GRIK1: variants seen among roughly 807,000 people sequenced by gnomAD.
GRIK1 encodes glutamate ionotropic receptor kainate type subunit 1, also known as glutamate receptor ionotropic, kainate 1.
GRIK1 carries 69 observed loss-of-function variants against 105.7 expected under a neutral mutation model. That is an observed-to-expected ratio of 0.65 (90% CI 0.54 to 0.80). The LOEUF (loss-of-function observed/expected upper bound fraction) is 0.80. Ranked by LOEUF, GRIK1 falls within the 30% of genes least tolerant of loss-of-function variation. The probability of loss-of-function intolerance (pLI) is 0.00; values close to 1 mark genes in which losing one functional copy is unlikely to be tolerated. For synonymous variants in GRIK1, 438 were observed against 431.3 expected, an observed-to-expected ratio of 1.02 and a Z score of -0.19; for missense variants, 1,109 against 1,167.3, an observed-to-expected ratio of 0.95 and a Z score of 0.73.
chr21:29,538,324 CA>C (rs1199463063), intron 16 of GRIK1, among the ~76,000 whole-genome samples: 3 of 152,072 alleles, frequency 2.0e-5, no homozygotes, highest in Non-Finnish European at 4.4e-5. Flanking sequence ...CACAGGAGGA[CA>C]AAGGCAGCAT....
intron 1 of GRIK1, among the ~76,000 whole-genome samples, chr21:29,742,007 A>G (rs562867691): frequency 2.3e-4 from 35 of 152,340 alleles, no homozygotes; most frequent in Non-Finnish European, 3.8e-4. Flanking sequence ...CAATGGCCTC[A>G]TTTACAGTGA....
At chr21:29,696,524 CA>C in intron 1 of GRIK1, among the ~76,000 whole-genome samples, 1 of 152,248 alleles carries the variant, frequency 6.6e-6, no homozygotes, top group Non-Finnish European at 1.5e-5. Context: ...CAAGATGATG[CA>C]AAAGACACTT....
chr21:29,539,768 T>G (rs2089939362), intron 16 of GRIK1, among the ~76,000 whole-genome samples: 1 of 152,178 alleles, frequency 6.6e-6, no homozygotes, highest in African/African-American at 2.4e-5. Flanking sequence ...TCAAGAAGTT[T>G]GCAAACTTTA....
intron 3 of GRIK1, among the ~76,000 whole-genome samples, chr21:29,688,430 AC>A (rs1333599311): frequency 6.6e-6 from 1 of 152,158 alleles, no homozygotes; most frequent in Non-Finnish European, 1.5e-5. Flanking sequence ...AAAGTTTGAC[AC>A]TGTTTCACTT....
At chr21:29,913,949 T>G (rs1160356478) in intron 1 of GRIK1, among the ~76,000 whole-genome samples, 1 of 152,028 alleles carries the variant, frequency 6.6e-6, no homozygotes, top group Non-Finnish European at 1.5e-5. Context: ...CTTTTTGTAT[T>G]TTGCTTTTGC....
At chr21:29,684,416 T>C (rs2063447637) in intron 3 of GRIK1, among the ~76,000 whole-genome samples, 1 of 152,238 alleles carries the variant, frequency 6.6e-6, no homozygotes, top group Non-Finnish European at 1.5e-5. Flanking sequence ...TACTTATTTA[T>C]ATATCTATCT....
chr21:29,772,714 G>T (rs151225094), intron 1 of GRIK1, among the ~76,000 whole-genome samples: 6 of 152,214 alleles, frequency 3.9e-5, no homozygotes, highest in African/African-American at 1.4e-4. Flanking sequence ...TCCTTAAAAG[G>T]TTCAAATACT....
At chr21:29,811,722 A>G (rs1460396827) in intron 1 of GRIK1, among the ~76,000 whole-genome samples, 1 of 152,096 alleles carries the variant, frequency 6.6e-6, no homozygotes, top group Non-Finnish European at 1.5e-5. Flanking sequence ...GTGACTTCCT[A>G]TCCTCAGTGA....
At chr21:29,681,231 T>C (rs571215228) in intron 3 of GRIK1, among the ~76,000 whole-genome samples, 1 of 152,346 alleles carries the variant, frequency 6.6e-6, no homozygotes, top group South Asian at 2.1e-4. Flanking sequence ...TGTATCCCCT[T>C]AGGATGAGTA....
chr21:29,554,611 T>A (rs2090202404), intron 16 of GRIK1, among the ~76,000 whole-genome samples: 1 of 152,218 alleles, frequency 6.6e-6, no homozygotes, highest in South Asian at 2.1e-4. Flanking sequence ...TAGTATGACT[T>A]TTACATATTT....
chr21:29,723,124 G>T (rs1422425045), intron 1 of GRIK1, among the ~76,000 whole-genome samples: 1 of 152,110 alleles, frequency 6.6e-6, no homozygotes, highest in Non-Finnish European at 1.5e-5. Flanking sequence ...AGACCAGCCT[G>T]GGCAACACAG....
At chr21:29,635,157 T>C (rs750217516) in intron 7 of GRIK1, among the ~76,000 whole-genome samples, 1 of 152,142 alleles carries the variant, frequency 6.6e-6, no homozygotes, top group Non-Finnish European at 1.5e-5. Flanking sequence ...TGTAGAGCTA[T>C]GGTTTGAGTG....
chr21:29,597,404 A>G (rs1858983968), intron 8 of GRIK1, among the ~76,000 whole-genome samples: 1 of 152,242 alleles, frequency 6.6e-6, no homozygotes, highest in Non-Finnish European at 1.5e-5. Flanking sequence ...TCATTCACCT[A>G]GCCAAAAAGA....
intron 1 of GRIK1, among the ~76,000 whole-genome samples, chr21:29,741,160 T>C (rs78471626): frequency 0.059 from 8,941 of 152,226 alleles, 298 homozygotes; most frequent in African/African-American, 0.067. Flanking sequence ...GCTTTTCTTG[T>C]CCTTAAGACA....
At chr21:29,814,175 T>C (rs1179248372) in intron 1 of GRIK1, among the ~76,000 whole-genome samples, 1 of 151,100 alleles carries the variant, frequency 6.6e-6, no homozygotes. Context: ...GGTCTCAAAC[T>C]CCTGACCTCA....
At chr21:29,765,947 G>T (rs2065653849) in intron 1 of GRIK1, among the ~76,000 whole-genome samples, 1 of 151,876 alleles carries the variant, frequency 6.6e-6, no homozygotes, top group South Asian at 2.1e-4. Flanking sequence ...CACCTCCCGG[G>T]TTCACGCCAT....
intron 4 of GRIK1, chr21:29,657,795 T>A (rs946752378): frequency 3.3e-5 from 5 of 152,250 alleles, no homozygotes; most frequent in African/African-American, 1.2e-4. Context: ...GTCGTCTAAT[T>A]GTCGCATACT....
At chr21:29,840,959 A>T (rs976421131) in intron 1 of GRIK1, among the ~76,000 whole-genome samples, 3 of 152,162 alleles carry the variant, frequency 2.0e-5, no homozygotes, top group Non-Finnish European at 2.9e-5. Context: ...ATGGCTTAGC[A>T]ACTGGATGAT....
At chr21:29,617,606 T>C (rs1378100713) in intron 7 of GRIK1, among the ~76,000 whole-genome samples, 1 of 152,212 alleles carries the variant, frequency 6.6e-6, no homozygotes, top group Non-Finnish European at 1.5e-5. Context: ...CAGAAGCGCT[T>C]GCATCTAAAC....
Sources: gnomAD v4.1 joint callset for allele counts (sites outside exome capture counted in the v4.1 genomes callset) on GRCh38, gnomAD v4.1.1 for gene constraint, MANE v1.5 for transcripts, NCBI Gene and HGNC (gene_info 2026-07-23, HGNC 2026-07-21) for gene names.